Variants in RNF138 observed in about 807,000 individuals in gnomAD.
RNF138 encodes the protein ring finger protein 138.
A neutral mutation model predicts 31.0 loss-of-function variants in RNF138; 12 were observed. That is an observed-to-expected ratio of 0.39 (90% CI 0.25 to 0.63). RNF138 has a LOEUF of 0.63. Ranked by LOEUF, RNF138 falls within the 20% of genes least tolerant of loss-of-function variation. RNF138 has a pLI of 0.52. For synonymous variants in RNF138, 105 were observed against 99.5 expected, an observed-to-expected ratio of 1.06 and a Z score of -0.33; for missense variants, 192 against 300.1, an observed-to-expected ratio of 0.64 and a Z score of 2.66.
At chr18:32,105,485 A>T (rs1464256747) in intron 2 of RNF138, among the ~76,000 whole-genome samples, 1 of 152,236 alleles carries the variant, frequency 6.6e-6, no homozygotes, top group African/African-American at 2.4e-5. Flanking sequence ...TTTATCTTTG[A>T]TAGACGTGAC....
At chr18:32,101,666 T>C (rs2039942930) in intron 2 of RNF138, among the ~76,000 whole-genome samples, 2 of 152,212 alleles carry the variant, frequency 1.3e-5, no homozygotes, top group African/African-American at 2.4e-5. Flanking sequence ...TAACTGCTAT[T>C]TTCATAAATG....
chr18:32,113,714 A>T, intron 3 of RNF138, 31 bp from the exon 4 acceptor site: 2 of 1,022,976 alleles, frequency 2.0e-6, no homozygotes, highest in Non-Finnish European at 2.9e-6. Context: ...GTTCTATTTT[A>T]AATTAAAAGT....
chr18:32,103,476 A>T (rs1353996969), intron 2 of RNF138, among the ~76,000 whole-genome samples: 1 of 152,014 alleles, frequency 6.6e-6, no homozygotes, highest in Non-Finnish European at 1.5e-5. Context: ...TATAGGTGCG[A>T]GCCACTGTGT....
chr18:32,124,122 C>T (rs1378571020), intron 5 of RNF138: 1 of 152,584 alleles, frequency 6.6e-6, no homozygotes, highest in African/African-American at 2.4e-5. Context: ...ACACACGATT[C>T]AGGTAAAGTT....
intron 2 of RNF138, among the ~76,000 whole-genome samples, chr18:32,107,506 AGTTTTTT>A (rs2040054279): frequency 7.7e-6 from 1 of 130,206 alleles, no homozygotes; most frequent in South Asian, 2.5e-4. Context: ...ATCTTAATTT[AGTTTTTT>A]GTTTGTTTGT....
intron 2 of RNF138, among the ~76,000 whole-genome samples, chr18:32,097,512 G>A (rs1432564709): frequency 2.6e-5 from 4 of 151,516 alleles, no homozygotes; most frequent in Non-Finnish European, 4.4e-5. Context: ...TTTTGAGACC[G>A]AGTCTCTGTT....
chr18:32,129,022 A>G lies in RNF138; in HGVS notation c.670-97A>G, dbSNP rs1280842695. 5.2e-6 allele frequency: 4 copies of G among 773,184 alleles called. No individual in the cohort carries two copies. In the African/African-American group the frequency reaches 7.2e-5, roughly 14 times the overall value. 47.9% of individuals were successfully genotyped at this position (773,184 alleles called of 1,614,324 possible). On this transcript the variant is annotated intron_variant, in intron 7 of 7. Transcript: ENST00000261593. ...TCCTGAGTGTGTGTAATGTGTGTCA[A>G]GATGTGTAATGTGTATCAAGATGTC...
At chr18:32,096,792 T>C (rs913509230) in intron 2 of RNF138, among the ~76,000 whole-genome samples, 2 of 152,152 alleles carry the variant, frequency 1.3e-5, no homozygotes, top group African/African-American at 4.8e-5. Context: ...AGTGGCATGA[T>C]CATAGCTTAC....
At chr18:32,113,024 T>C (rs1209929406) in intron 3 of RNF138, among the ~76,000 whole-genome samples, 1 of 152,172 alleles carries the variant, frequency 6.6e-6, no homozygotes. Context: ...CTCGAGAGAT[T>C]CTGGCTATTC....
intron 4 of RNF138, among the ~76,000 whole-genome samples, chr18:32,117,395 T>C (rs1391949046): frequency 6.6e-6 from 1 of 152,086 alleles, no homozygotes; most frequent in Non-Finnish European, 1.5e-5. Context: ...GTGCTCTGGG[T>C]CTACTGAAAG....
chr18:32,117,173 A>T (rs923356015), intron 4 of RNF138, among the ~76,000 whole-genome samples: 1 of 149,862 alleles, frequency 6.7e-6, no homozygotes, highest in African/African-American at 2.5e-5. Context: ...AAGTGATGGG[A>T]TTACAGGCAT....
intron 4 of RNF138, 21 bp from the exon 5 acceptor site, chr18:32,123,497 T>A (rs1193505413): frequency 3.3e-6 from 5 of 1,527,214 alleles, no homozygotes; most frequent in Non-Finnish European, 4.4e-6. Context: ...GGTATTAACT[T>A]TTTCCCCTGT....
intron 2 of RNF138, among the ~76,000 whole-genome samples, chr18:32,106,535 AT>A (rs1365158475): frequency 6.7e-6 from 1 of 150,296 alleles, no homozygotes; most frequent in East Asian, 1.9e-4. Context: ...TTGAAAAATT[AT>A]TTTTTATTTT....
At chr18:32,118,281 G>T (rs1461824161) in intron 4 of RNF138, among the ~76,000 whole-genome samples, 2 of 147,690 alleles carry the variant, frequency 1.4e-5, no homozygotes, top group East Asian at 2.0e-4. Context: ...CACGCCTGTA[G>T]TCCCAGCTTT....
chr18:32,130,953 A>ATAAC lies in RNF138; in HGVS notation c.*1768_*1771dup, dbSNP rs1351819632. The ATAAC allele has an allele frequency of 7.9e-5, 12 of 152,580 alleles. No homozygotes were observed. Among genetic ancestry groups the ATAAC allele is most frequent in the Non-Finnish European group, 8.8e-5 (6 of 67,896 alleles). 9.5% of individuals were successfully genotyped at this position (152,580 alleles called of 1,614,324 possible). A position where few individuals can be genotyped will look rare whatever the true frequency, so the allele number is the denominator to read the frequency against. On this transcript the variant is annotated 3_prime_UTR_variant, in exon 8 of 8. Transcript: ENST00000261593. ...CCATAGTGTTTTCCAGTTTAAAGCA[A>ATAAC]TAACTTTCATAGTTTCTTTCAAAGT...
At chr18:32,117,722 G>C (rs1326584214) in intron 4 of RNF138, among the ~76,000 whole-genome samples, 2 of 152,096 alleles carry the variant, frequency 1.3e-5, no homozygotes, top group Non-Finnish European at 2.9e-5. Context: ...GAGTAGTACT[G>C]TTTACTGTAA....
intron 2 of RNF138, among the ~76,000 whole-genome samples, chr18:32,100,201 G>GAT (rs34225221): frequency 0.094 from 13,694 of 146,448 alleles, 776 homozygotes; most frequent in African/African-American, 0.17. Flanking sequence ...TAGTGATTGA[G>GAT]ATATATATAT....
chr18:32,100,498 G>A lies in RNF138; in HGVS notation c.110+7612G>A, dbSNP rs189607485. ...TTTTTTTTTTTTTTTTTTTTGAGAC[G>A]GAGTTTTGCTCTTGTTGGCCAGGCT... is the stretch of plus-strand genomic sequence containing the variant. On this transcript the variant is annotated intron_variant, in intron 2 of 7. Transcript: ENST00000261593. Among the ~76,000 whole-genome samples the A allele has an allele frequency of 6.7e-4, 74 of 111,088 alleles. 1 individual carries two copies. Among genetic ancestry groups the A allele is most frequent in the South Asian group, 2.1e-3 (7 of 3,394 alleles). 72.9% of individuals were successfully genotyped at this position (111,088 alleles called of 152,430 possible). A position where few individuals can be genotyped will look rare whatever the true frequency, so the allele number is the denominator to read the frequency against.
Position 32,113,877 on chromosome 18 carries a change from C to A in RNF138, c.392+17C>A. 8.6e-7 allele frequency: 1 copy of A among 1,156,184 alleles called. No individual in the cohort carries two copies. The highest frequency in any genetic ancestry group is 1.3e-6 in the Non-Finnish European group (1 of 798,032). 71.6% of individuals were successfully genotyped at this position (1,156,184 alleles called of 1,614,324 possible). A position where few individuals can be genotyped will look rare whatever the true frequency, so the allele number is the denominator to read the frequency against. On this transcript the variant is annotated intron_variant, in intron 4 of 7. Coordinates refer to ENST00000261593, the MANE Select transcript of RNF138 (RefSeq NM_016271.5). ...AGGGAACAGGTAAGCAATACTTATT[C>A]CTAAATACAGAATTTTCATAATTGA...
Sources: gnomAD v4.1 joint callset for allele counts (sites outside exome capture counted in the v4.1 genomes callset) on GRCh38, gnomAD v4.1.1 for gene constraint, MANE v1.5 for transcripts, NCBI Gene and HGNC (gene_info 2026-07-23, HGNC 2026-07-21) for gene names.